Variants in SLC5A5 observed in about 807,000 individuals in gnomAD.
The protein encoded by SLC5A5 is sodium/iodide cotransporter.
SLC5A5 carries 56 observed loss-of-function variants against 68.6 expected under a neutral mutation model. The observed-to-expected ratio is 0.82, with a 90% CI of 0.66 to 1.02. The LOEUF (loss-of-function observed/expected upper bound fraction) is 1.02. SLC5A5 is among the 50% of genes least tolerant of loss of function. The pLI, the probability that SLC5A5 is intolerant of heterozygous loss-of-function variation, is 0.00. For synonymous variants in SLC5A5, 398 were observed against 373.0 expected (o/e 1.07, Z -0.77); for missense variants, 807 against 859.8 (o/e 0.94, Z 0.77).
rs2094295763 is a variant in SLC5A5 at position 17,872,220 on chromosome 19, C to T, written c.-100C>T. On this transcript the variant is annotated 5_prime_UTR_variant, in exon 1 of 15. Transcript: ENST00000222248. ...CGGGGACAGGCTGCCGAGCATCCTC[C>T]CACCCGCCCTCCCCGTCCTGCCTCC... The T allele has an allele frequency of 2.4e-6, 1 of 413,622 alleles. No individual in the cohort carries two copies. Among genetic ancestry groups the T allele is most frequent in the Non-Finnish European group, 4.7e-6 (1 of 212,188 alleles). The allele number at this position is 413,622 out of a possible 1,614,324, so 25.6% of individuals were successfully genotyped here.
At chr19:17,874,622 G>T in intron 3 of SLC5A5, 42 bp from the exon 4 acceptor site, 2 of 1,613,356 alleles carry the variant, frequency 1.2e-6, no homozygotes, top group Non-Finnish European at 1.7e-6. Flanking sequence ...CTAAGTTTGC[G>T]CCCCGCCCAG....
At position 17,890,985 on chromosome 19, in the gene SLC5A5, A is replaced by C. The variant is rs1385997097; in HGVS notation, c.1751A>C (p.Asp584Ala). 1.2e-6 allele frequency: 2 copies of C among 1,611,626 alleles called. No individual in the cohort carries two copies. Among genetic ancestry groups the C allele is most frequent in the Admixed American group, 3.3e-5 (2 of 59,988 alleles). Reference protein sequence around the residue: ...VAPKEEVAILDDNLVKGPEEL... With the variant: ...VAPKEEVAILADNLVKGPEEL... ...CCCAAGGAAGAAGTGGCCATCCTGG[A>C]TGACAACTTGGTCAAGGTCAGTCTT... Residue 584 changes from aspartate to alanine, a missense_variant, in exon 14 of 15, where the codon GAT becomes GCT. Coordinates refer to ENST00000222248, the MANE Select transcript of SLC5A5 (RefSeq NM_000453.3).
intron 12 of SLC5A5, among the ~76,000 whole-genome samples, chr19:17,886,393 C>T (rs34487000): frequency 0.19 from 27,827 of 150,256 alleles, 3,054 homozygotes; most frequent in Middle Eastern, 0.24. Context: ...CTGCAACCTC[C>T]GCCTCCTGGG....
intron 12 of SLC5A5, among the ~76,000 whole-genome samples, chr19:17,885,822 A>G (rs898358033): frequency 3.3e-5 from 5 of 152,044 alleles, no homozygotes; most frequent in South Asian, 4.1e-4. Context: ...TTTCATGTAA[A>G]TGGAATCATA....
At chr19:17,890,695 G>A (rs930559721) in intron 13 of SLC5A5, among the ~76,000 whole-genome samples, 191 bp from the exon 14 acceptor site, 2 of 152,088 alleles carry the variant, frequency 1.3e-5, no homozygotes, top group Non-Finnish European at 2.9e-5. Flanking sequence ...CCTCACTGAT[G>A]TTTTATTACA....
At chr19:17,875,777 TTAAAAATAAAA>T (rs2147731573) in intron 4 of SLC5A5, among the ~76,000 whole-genome samples, 164 bp from the exon 5 acceptor site, 1 of 151,894 alleles carries the variant, frequency 6.6e-6, no homozygotes, top group Non-Finnish European at 1.5e-5. Context: ...AACCTTTTCT[TTAAAAATAAAA>T]TAACTAACTT....
At chr19:17,879,014 T>A (rs1479300973) in intron 7 of SLC5A5, among the ~76,000 whole-genome samples, 1 of 141,204 alleles carries the variant, frequency 7.1e-6, no homozygotes, top group East Asian at 2.1e-4. Flanking sequence ...AAAACAAGGC[T>A]GGGCGCGGTG....
chr19:17,884,236 G>T (rs957491961), intron 12 of SLC5A5, among the ~76,000 whole-genome samples, 190 bp downstream of exon 12: 10 of 152,208 alleles, frequency 6.6e-5, no homozygotes, highest in Non-Finnish European at 1.3e-4. Flanking sequence ...TGAGGTTAGG[G>T]TGCATTTAAT....
intron 5 of SLC5A5, among the ~76,000 whole-genome samples, chr19:17,877,018 C>T (rs1002756895): frequency 6.6e-6 from 1 of 151,036 alleles, no homozygotes; most frequent in Non-Finnish European, 1.5e-5. Flanking sequence ...GCAACAAGAG[C>T]GAAACTCCAT....
intron 13 of SLC5A5, 115 bp from the exon 14 acceptor site, chr19:17,890,771 G>A (rs1047685650): frequency 1.4e-5 from 11 of 786,084 alleles, no homozygotes; most frequent in African/African-American, 1.2e-4. Context: ...TGGGACTGGA[G>A]CCTGTTAGAC....
chr19:17,878,190 G>A, intron 7 of SLC5A5, 97 bp downstream of exon 7: 1 of 1,415,590 alleles, frequency 7.1e-7, no homozygotes, highest in Admixed American at 1.7e-5. Flanking sequence ...AATGGCCTGT[G>A]CAAAGGCCAA....
At chr19:17,888,542 C>T (rs769704158) in intron 13 of SLC5A5, 87 bp downstream of exon 13, 32 of 1,458,170 alleles carry the variant, frequency 2.2e-5, no homozygotes, top group Non-Finnish European at 2.8e-5. Context: ...GGAGAAAGGA[C>T]GCTCCCATTG....
intron 10 of SLC5A5, among the ~76,000 whole-genome samples, chr19:17,882,926 G>A (rs944295612): frequency 1.4e-4 from 21 of 151,896 alleles, no homozygotes; most frequent in South Asian, 2.1e-4. Context: ...CTCGTGATCC[G>A]CCCTCCTCGG....
Position 17,872,512 on chromosome 19 carries a change from G to A in SLC5A5, c.193G>A (p.Ala65Thr), listed in dbSNP as rs775169395. 6.2e-7 allele frequency: 1 copy of A among 1,612,660 alleles called. No individual in the cohort carries two copies. The stretch of plus-strand genomic sequence containing the variant: ...CCTGCCCGTGGGCCTGTCGCTGTCT[G>A]CCAGCTTCATGTCGGCCGTGCAGGT... ...AALPVGLSLS[A>T]SFMSAVQVLG... The change falls in exon 1 of 15, where the codon GCC becomes ACC. Residue 65 changes from alanine to threonine, a missense_variant. By Grantham distance (58) the Ala-to-Thr change is moderately conservative. Coordinates refer to ENST00000222248, the MANE Select transcript of SLC5A5 (RefSeq NM_000453.3).
intron 13 of SLC5A5, among the ~76,000 whole-genome samples, chr19:17,888,956 T>C (rs2030039826): frequency 7.0e-6 from 1 of 143,884 alleles, no homozygotes; most frequent in African/African-American, 2.7e-5. Context: ...AAAAAGTTTG[T>C]GAGGAAAAAA....
chr19:17,893,905 C>A lies in SLC5A5; in HGVS notation c.*28C>A. The stretch of plus-strand genomic sequence containing the variant: ...ACAGGGCCAGCCGCGGGACTGACAC[C>A]CTGGGATGGAACCTCAGGATGGGCC... On this transcript the variant is annotated 3_prime_UTR_variant, in exon 15 of 15. Transcript: ENST00000222248. The A allele has an allele frequency of 6.4e-7, 1 of 1,550,882 alleles. No individual in the cohort carries two copies. The highest frequency in any genetic ancestry group is 8.7e-7 in the Non-Finnish European group (1 of 1,145,814).
chr19:17,877,816 G>C lies in SLC5A5; in HGVS notation c.792G>C (p.Ala264=), dbSNP rs148887708. ...VWLSMYGVNQ[A]QVQRYVACRT... ...TCTCCATGTATGGCGTGAACCAGGC[G>C]CAGGTGCAGCGCTACGTGGCTTGCC... The change falls in exon 6 of 15, where the codon GCG becomes GCC. Residue 264 remains alanine (A), a synonymous_variant. Transcript: ENST00000222248. The C allele has an allele frequency of 6.2e-7, 1 of 1,614,206 alleles. No homozygotes were observed. The highest frequency in any genetic ancestry group is 1.7e-5 in the Admixed American group (1 of 60,020).
intron 14 of SLC5A5, among the ~76,000 whole-genome samples, chr19:17,891,818 C>G (rs1296882605): frequency 1.3e-5 from 2 of 152,186 alleles, no homozygotes; most frequent in Non-Finnish European, 2.9e-5. Context: ...CCCATGCCTA[C>G]CCCTGTTTTG....
intron 14 of SLC5A5, among the ~76,000 whole-genome samples, chr19:17,892,163 G>A (rs1012401436): frequency 2.6e-5 from 4 of 151,990 alleles, no homozygotes; most frequent in Non-Finnish European, 5.9e-5. Flanking sequence ...GCATGGTGGC[G>A]TGTGCCTGTA....
Sources: gnomAD v4.1 joint callset for allele counts (sites outside exome capture counted in the v4.1 genomes callset) on GRCh38, gnomAD v4.1.1 for gene constraint, MANE v1.5 for transcripts, NCBI Gene and HGNC (gene_info 2026-07-23, HGNC 2026-07-21) for gene names.